Variants in WDR75 observed in about 807,000 individuals in gnomAD.
The protein encoded by WDR75 is WD repeat-containing protein 75.
A neutral mutation model predicts 106.1 loss-of-function variants in WDR75; 52 were observed. The observed-to-expected ratio is 0.49, with a 90% CI of 0.39 to 0.62. WDR75 has a LOEUF of 0.62. Ranked by LOEUF, WDR75 falls within the 20% of genes least tolerant of loss-of-function variation. The pLI is 0.00. For synonymous variants in WDR75, 333 were observed against 335.5 expected, an observed-to-expected ratio of 0.99 and a Z score of 0.08; for missense variants, 905 against 970.3, an observed-to-expected ratio of 0.93 and a Z score of 0.89.
rs758663002 is a variant in WDR75, at chr2:189,463,920, C to T, written c.1072C>T (p.Leu358=). Residue 358 remains leucine, a synonymous_variant, in exon 11 of 21, where the codon CTG becomes TTG. Transcript: ENST00000314761. The part of the protein sequence containing the change: ...ALVLNGKPGH[L]QFYSLQSDKQ... ...GGTTTTGAATGGAAAACCTGGCCAC[C>T]TGCAGTTTTATTCTCTCCAGAGTGA... The T allele has an allele frequency of 6.8e-6, 11 of 1,613,746 alleles. No individual in the cohort carries two copies. The highest frequency in any genetic ancestry group is 9.3e-6 in the Non-Finnish European group (11 of 1,179,844).
rs772900306 is a variant in WDR75, at chr2:189,468,607, G to A, written c.1723+38G>A. The A allele has an allele frequency of 3.7e-5, 59 of 1,596,184 alleles. No homozygotes were observed. The Admixed American group carries it at 4.7e-4, about 13-fold the overall frequency. ...TTACTCTAAAGTGATCTGGCAAAGC[G>A]CATAAGGAGTTGACATTAAACTTTG... On this transcript the variant is annotated intron_variant, in intron 15 of 20. Transcript: ENST00000314761.
rs377642542 is a variant in WDR75, at chr2:189,459,417, A to G, written c.771A>G (p.Ser257=). The change falls in exon 8 of 21, where the codon TCA becomes TCG. Residue 257 remains serine (S), a synonymous_variant. Transcript: ENST00000314761. Reference sequence around the variant, plus strand: ...ATATGGTTATGGATTTGGCTTTTTCAGTGACAGGTAAGTGCGGGTTTAATT... The same window carrying G: ...ATATGGTTATGGATTTGGCTTTTTCGGTGACAGGTAAGTGCGGGTTTAATT... ...HHDMVMDLAF[S]VTGTSLLSGG... The G allele has an allele frequency of 6.2e-7, 1 of 1,611,614 alleles. No homozygotes were observed. Among genetic ancestry groups the G allele is most frequent in the Non-Finnish European group, 8.5e-7 (1 of 1,178,908 alleles).
chr2:189,470,046 T>G, intron 16 of WDR75, 30 bp from the exon 17 acceptor site: 1 of 1,599,068 alleles, frequency 6.3e-7, no homozygotes, highest in Non-Finnish European at 8.5e-7. Context: ...TCAGGCAAAA[T>G]GTTATTGTTT....
At chr2:189,453,624 G>A (rs1292977680) in intron 4 of WDR75, among the ~76,000 whole-genome samples, 2 of 152,128 alleles carry the variant, frequency 1.3e-5, no homozygotes, top group Non-Finnish European at 2.9e-5. Context: ...CTCATAATGA[G>A]ATCTATTATT....
chr2:189,467,609 A>G lies in WDR75; in HGVS notation c.1589A>G (p.Glu530Gly). 1 of 1,606,546 alleles carries G rather than the reference A, an allele frequency of 6.2e-7. No homozygotes were observed. The highest frequency in any genetic ancestry group is 2.2e-5 in the East Asian group (1 of 44,658). The change falls in exon 14 of 21, where the codon GAA (glutamate) becomes GGA (glycine). Residue 530 changes from glutamate to glycine, a missense_variant. Coordinates refer to ENST00000314761, the MANE Select transcript of WDR75 (RefSeq NM_032168.3). Reference protein sequence around the residue: ...IVTIWDSVTWELKCTFCQRAG... With the variant: ...IVTIWDSVTWGLKCTFCQRAG... ...ACAATATGGGATTCTGTAACATGGG[A>G]ACTTAAATGTACATTTTGCCAACGA... is the stretch of plus-strand genomic sequence containing the variant.
At chr2:189,455,725 T>C (rs113219175) in intron 5 of WDR75, 11,913 of 206,018 alleles carry the variant, frequency 0.058, 561 homozygotes, top group African/African-American at 0.14. Flanking sequence ...AATTAATGTT[T>C]ATAATTAATA....
chr2:189,449,500 A>G, intron 2 of WDR75: 1 of 1,100,242 alleles, frequency 9.1e-7, no homozygotes, highest in Non-Finnish European at 1.1e-6. Flanking sequence ...TTTTGTTAAA[A>G]TTGAAATTTG....
At chr2:189,445,733 G>A (rs186774114) in intron 1 of WDR75, among the ~76,000 whole-genome samples, 4 of 152,324 alleles carry the variant, frequency 2.6e-5, no homozygotes, top group Admixed American at 6.5e-5. Flanking sequence ...GCTAACATTT[G>A]TGGAAGCTAG....
At chr2:189,457,273 T>G in intron 5 of WDR75, 38 bp from the exon 6 acceptor site, 1 of 1,368,330 alleles carries the variant, frequency 7.3e-7, no homozygotes, top group Non-Finnish European at 1.0e-6. Context: ...GAGTGTTGAC[T>G]ATTTTTGTGA....
chr2:189,456,115 G>C (rs957166412), intron 5 of WDR75, among the ~76,000 whole-genome samples: 2 of 152,176 alleles, frequency 1.3e-5, no homozygotes, highest in Non-Finnish European at 2.9e-5. Context: ...TCTGAAAAGA[G>C]TTAATTTCTC....
intron 4 of WDR75, among the ~76,000 whole-genome samples, chr2:189,454,552 T>A (rs1183931778): frequency 2.0e-5 from 3 of 151,996 alleles, no homozygotes; most frequent in South Asian, 4.1e-4. Flanking sequence ...AACAGAGTCT[T>A]GCTCTGTCGC....
chr2:189,474,374 T>C (rs1558991006), intron 19 of WDR75, 42 bp downstream of exon 19: 2 of 1,571,124 alleles, frequency 1.3e-6, no homozygotes, highest in Non-Finnish European at 1.7e-6. Context: ...TTAAATGCAC[T>C]TAAAGCACCT....
intron 2 of WDR75, chr2:189,448,870 C>G (rs1686557026): frequency 2.1e-6 from 1 of 473,494 alleles, no homozygotes; most frequent in African/African-American, 2.0e-5. Context: ...ACTTACTTGA[C>G]TTGTGAACCA....
intron 2 of WDR75, chr2:189,449,566 G>C: frequency 9.5e-7 from 1 of 1,050,168 alleles, no homozygotes; most frequent in Non-Finnish European, 1.2e-6. Flanking sequence ...ATTCATAAAA[G>C]CTTTGTTTCG....
chr2:189,445,614 A>G (rs1416261528), intron 1 of WDR75, among the ~76,000 whole-genome samples: 1 of 152,190 alleles, frequency 6.6e-6, no homozygotes, highest in Non-Finnish European at 1.5e-5. Flanking sequence ...GGAACATAAA[A>G]AAGACATTAA....
intron 4 of WDR75, 111 bp downstream of exon 4, chr2:189,452,006 G>A (rs909702336): frequency 3.9e-6 from 3 of 777,804 alleles, no homozygotes; most frequent in Non-Finnish European, 6.1e-6. Flanking sequence ...TTTTAGAATG[G>A]GCATTTAAAT....
At chr2:189,472,477 ATTG>A (rs1687137120) in intron 18 of WDR75, among the ~76,000 whole-genome samples, 1 of 151,896 alleles carries the variant, frequency 6.6e-6, no homozygotes, top group Admixed American at 6.6e-5. Context: ...TATTATTCTT[ATTG>A]TTTTGCCTAT....
intron 12 of WDR75, 119 bp from the exon 13 acceptor site, chr2:189,466,306 G>A (rs1461348140): frequency 6.4e-6 from 7 of 1,093,908 alleles, no homozygotes; most frequent in South Asian, 4.1e-5. Flanking sequence ...GTCATTCTAC[G>A]TGATTATCAG....
chr2:189,474,214 C>T lies in WDR75; in HGVS notation c.2078C>T (p.Thr693Ile). Residue 693 changes from threonine (T) to isoleucine (I), a missense_variant, in exon 19 of 21, where the codon ACC becomes ATC. Transcript: ENST00000314761. Reference protein sequence around the residue: ...QLLAEESLPTTPFYFILGKHR... With the variant: ...QLLAEESLPTIPFYFILGKHR... ...CTAGCAGAAGAAAGTCTTCCCACAACCCCATTTTATTTCATATTGGGAAAA... is the reference window on the plus strand; with the variant it reads ...CTAGCAGAAGAAAGTCTTCCCACAATCCCATTTTATTTCATATTGGGAAAA... 1 of 1,613,054 alleles carries T rather than the reference C, an allele frequency of 6.2e-7. No individual in the cohort carries two copies. Among genetic ancestry groups the T allele is most frequent in the Non-Finnish European group, 8.5e-7 (1 of 1,179,612 alleles).
Sources: gnomAD v4.1 joint callset for allele counts (sites outside exome capture counted in the v4.1 genomes callset) on GRCh38, gnomAD v4.1.1 for gene constraint, MANE v1.5 for transcripts, NCBI Gene and HGNC (gene_info 2026-07-23, HGNC 2026-07-21) for gene names.